TNRC6B: variants seen among roughly 807,000 people sequenced by gnomAD.
The protein encoded by TNRC6B is trinucleotide repeat-containing gene 6B protein.
Under a neutral mutation model 203.6 loss-of-function variants are expected in TNRC6B, and 52 were observed. The observed-to-expected ratio is 0.26, with a 90% CI of 0.20 to 0.32. The LOEUF (loss-of-function observed/expected upper bound fraction) is 0.32, where lower values mean the gene tolerates loss of function less well. TNRC6B is among the 10% of genes least tolerant of loss of function. The probability of loss-of-function intolerance (pLI) is 1.00; values close to 1 mark genes in which losing one functional copy is unlikely to be tolerated. For synonymous variants in TNRC6B, 838 were observed against 845.7 expected, an observed-to-expected ratio of 0.99 and a Z score of 0.16; for missense variants, 1,923 against 2,286.2, an observed-to-expected ratio of 0.84 and a Z score of 3.24.
chr22:40,318,622 G>A (rs913372801), intron 21 of TNRC6B, among the ~76,000 whole-genome samples: 2 of 152,056 alleles, frequency 1.3e-5, no homozygotes, highest in African/African-American at 2.4e-5. Context: ...GAAGAATCTT[G>A]TATGACCATC....
chr22:40,281,820 G>A (rs2146523689), intron 11 of TNRC6B, among the ~76,000 whole-genome samples: 1 of 152,318 alleles, frequency 6.6e-6, no homozygotes, highest in East Asian at 1.9e-4. Flanking sequence ...TGGGAAGAAT[G>A]GGTATTGCTG....
chr22:40,270,227 C>G lies in TNRC6B; in HGVS notation c.2912C>G (p.Ser971Trp). ...GWGEMDDTGA[S>W]TTGWGNTPAN... ...GGCGAGATGGATGATACAGGAGCATCGACCACAGGCTGGGGGAACACGCCC... is the reference window on the plus strand; with the variant it reads ...GGCGAGATGGATGATACAGGAGCATGGACCACAGGCTGGGGGAACACGCCC... Residue 971 changes from serine to tryptophan, a missense_variant, in exon 6 of 23, where the codon TCG becomes TGG. By Grantham distance (177) the Ser-to-Trp change is radical. Around this residue, in one of 8 missense-constraint regions of TNRC6B, gnomAD observed 599 missense variants for 656.5 expected, o/e 0.91. Transcript: ENST00000454349. 6.6e-7 allele frequency: 1 copy of G among 1,523,510 alleles called. No individual in the cohort carries two copies. The highest frequency in any genetic ancestry group is 8.8e-7 in the Non-Finnish European group (1 of 1,130,722). The allele number at this position is 1,523,510 out of a possible 1,614,324, so 94.4% of individuals were successfully genotyped here. A position where few individuals can be genotyped will look rare whatever the true frequency, so the allele number is the denominator to read the frequency against.
rs1347837381 is a variant in TNRC6B at position 40,315,960 on chromosome 22, G to T, written c.4922G>T (p.Gly1641Val). Residue 1641 changes from glycine (G) to valine (V), a missense_variant, in exon 21 of 23, where the codon GGT becomes GTT. By Grantham distance (109) the Gly-to-Val change is moderately radical. Coordinates refer to ENST00000454349, the MANE Select transcript of TNRC6B (RefSeq NM_001162501.2). ...CTCATAGCCTCTACCTGGAGTGATGGTGGCTCAGTTCGTCCTAGTTACTGG... is the reference window on the plus strand; with the variant it reads ...CTCATAGCCTCTACCTGGAGTGATGTTGGCTCAGTTCGTCCTAGTTACTGG... ...RLASASTWSDGGSVRPSYWLV... is the reference protein window; with the variant it reads ...RLASASTWSDVGSVRPSYWLV... 1.2e-6 allele frequency: 2 copies of T among 1,613,736 alleles called. No individual in the cohort carries two copies. The highest frequency in any genetic ancestry group is 2.7e-5 in the African/African-American group (2 of 74,886).
chr22:40,193,965 G>T (rs945570048), intron 1 of TNRC6B, among the ~76,000 whole-genome samples: 5 of 152,088 alleles, frequency 3.3e-5, no homozygotes, highest in African/African-American at 9.7e-5. Flanking sequence ...CTGTGCAGGG[G>T]TTTTTTTTCC....
intron 1 of TNRC6B, among the ~76,000 whole-genome samples, chr22:40,050,980 A>G (rs1339662828): frequency 6.6e-6 from 1 of 151,816 alleles, no homozygotes; most frequent in African/African-American, 2.4e-5. Context: ...GCGCACCACC[A>G]CACCTGGCTA....
intron 3 of TNRC6B, among the ~76,000 whole-genome samples, chr22:40,131,049 G>A (rs969004268): frequency 2.6e-5 from 4 of 151,486 alleles, no homozygotes; most frequent in Admixed American, 1.3e-4. Flanking sequence ...CTTGACAGGC[G>A]CCTGCCGCCA....
chr22:40,146,561 A>AT (rs59901929), intron 3 of TNRC6B, among the ~76,000 whole-genome samples: 23,138 of 108,962 alleles, frequency 0.21, 2,723 homozygotes, highest in Admixed American at 0.29. Context: ...CGCCCGGCTA[A>AT]TTTTTTTTTT....
chr22:40,180,278 T>G (rs2069115033), intron 1 of TNRC6B, among the ~76,000 whole-genome samples: 1 of 152,226 alleles, frequency 6.6e-6, no homozygotes, highest in African/African-American at 2.4e-5. Context: ...TTCCTAAAGT[T>G]GGTCTTACTG....
intron 1 of TNRC6B, among the ~76,000 whole-genome samples, chr22:40,218,324 C>CTTTTTTTTTT (rs71199275): frequency 8.2e-5 from 8 of 97,458 alleles, no homozygotes; most frequent in African/African-American, 1.1e-4. Context: ...TTTTTCTTTT[C>CTTTTTTTTTT]TTTTTTTTTT....
intron 19 of TNRC6B, among the ~76,000 whole-genome samples, chr22:40,313,312 A>T (rs1212001931): frequency 6.6e-6 from 1 of 152,194 alleles, no homozygotes; most frequent in Non-Finnish European, 1.5e-5. Flanking sequence ...CCAAGAAGTC[A>T]AGGGTCATGA....
chr22:40,084,723 G>A (rs1443802572), intron 1 of TNRC6B, among the ~76,000 whole-genome samples: 1 of 152,198 alleles, frequency 6.6e-6, no homozygotes. Flanking sequence ...CCTTTGAGGA[G>A]AAGGAGGAGG....
chr22:40,089,181 A>G (rs749434243), intron 1 of TNRC6B, among the ~76,000 whole-genome samples: 8 of 152,222 alleles, frequency 5.3e-5, no homozygotes, highest in Non-Finnish European at 8.8e-5. Context: ...AGATACAAAT[A>G]TAAAATAAAA....
chr22:40,069,993 A>G (rs1006623237), intron 1 of TNRC6B, among the ~76,000 whole-genome samples: 22 of 152,276 alleles, frequency 1.4e-4, no homozygotes, highest in Admixed American at 2.6e-4. Flanking sequence ...TGTTTTATGT[A>G]GGTACAAGTG....
rs564719871 is a variant in TNRC6B at position 40,220,094 on chromosome 22, C to T, written c.6-25921C>T. Among the ~76,000 whole-genome samples, 6 of 152,266 alleles carry T rather than the reference C, an allele frequency of 3.9e-5. No homozygotes were observed. In the South Asian group the frequency reaches 1.0e-3, roughly 26 times the overall value. On this transcript the variant is annotated intron_variant, in intron 1 of 22. Coordinates refer to ENST00000454349, the MANE Select transcript of TNRC6B (RefSeq NM_001162501.2). ...TAGAGCTTACAAACTCCTTGAGAAT[C>T]GCTGCGGTAGTAGGTGGGGGTGGAG...
At chr22:40,215,862 G>A (rs1208654344) in intron 1 of TNRC6B, among the ~76,000 whole-genome samples, 2 of 152,162 alleles carry the variant, frequency 1.3e-5, no homozygotes, top group African/African-American at 2.4e-5. Context: ...GCTCAGCATG[G>A]GCTGCATCTC....
chr22:40,285,539 G>C, intron 11 of TNRC6B, 106 bp from the exon 12 acceptor site: 2 of 1,359,716 alleles, frequency 1.5e-6, no homozygotes, highest in East Asian at 2.4e-5. Flanking sequence ...TTATTCCATC[G>C]AACACAGCCT....
rs1348988108 is a variant in TNRC6B, at chr22:40,328,902, T to C, written c.*5661T>C. ...TGTTTTTAAGTATCTATAAGATCTT[T>C]AGAAGTGAGATAAATTTTTCGCTGG... On this transcript the variant is annotated 3_prime_UTR_variant, in exon 23 of 23. Coordinates refer to ENST00000454349, the MANE Select transcript of TNRC6B (RefSeq NM_001162501.2). The C allele has an allele frequency of 6.6e-6, 1 of 152,580 alleles. No homozygotes were observed. Among genetic ancestry groups the C allele is most frequent in the Non-Finnish European group, 1.5e-5 (1 of 68,028 alleles). 9.5% of individuals were successfully genotyped at this position (152,580 alleles called of 1,614,324 possible).
chr22:40,177,971 A>G lies in TNRC6B; in HGVS notation c.-165A>G. ...GAGCAAGAGGGAGAGTGTGTGAGAG[A>G]GAGTTAGTTCAAGCCAAAATGGCCG... On this transcript the variant is annotated 5_prime_UTR_variant, in exon 1 of 23. Transcript: ENST00000454349. 1 of 1,461,292 alleles carries G rather than the reference A, an allele frequency of 6.8e-7. No homozygotes were observed. The highest frequency in any genetic ancestry group is 9.0e-7 in the Non-Finnish European group (1 of 1,113,740). The allele number at this position is 1,461,292 out of a possible 1,614,324, so 90.5% of individuals were successfully genotyped here. A position where few individuals can be genotyped will look rare whatever the true frequency, so the allele number is the denominator to read the frequency against.
At chr22:40,259,041 C>G (rs1172882393) in intron 3 of TNRC6B, among the ~76,000 whole-genome samples, 1 of 152,174 alleles carries the variant, frequency 6.6e-6, no homozygotes, top group Non-Finnish European at 1.5e-5. Context: ...GGATGAATTT[C>G]TCCAGTCTCT....
Sources: gnomAD v4.1 joint callset for allele counts (sites outside exome capture counted in the v4.1 genomes callset) on GRCh38, gnomAD v4.1.1 for gene constraint, gnomAD v4.1.1 regional missense constraint, MANE v1.5 for transcripts, NCBI Gene and HGNC (gene_info 2026-07-23, HGNC 2026-07-21) for gene names.